The following FAM163B variants were observed in gnomAD, a reference collection of about 807,000 sequenced individuals.
FAM163B encodes the protein family with sequence similarity 163 member B, also known as protein FAM163B.
In FAM163B, 4 loss-of-function variants were observed where a neutral mutation model predicts 7.6. The observed-to-expected ratio is 0.52, with a 90% CI of 0.26 to 1.20. The LOEUF is 1.20. Among genes scored for constraint, FAM163B ranks in the 50% most tolerant of loss-of-function variants. The pLI is 0.14. For synonymous variants in FAM163B, 120 were observed against 111.6 expected (o/e 1.07, Z -0.47); for missense variants, 250 against 243.0 (o/e 1.03, Z -0.19).
intron 1 of FAM163B, among the ~76,000 whole-genome samples, chr9:133,596,213 G>A (rs1200598643): frequency 6.8e-6 from 1 of 147,322 alleles, no homozygotes; most frequent in Non-Finnish European, 1.5e-5. Flanking sequence ...GAGGAGTCCT[G>A]GGAAACCAGA....
At chr9:133,590,894 A>G (rs1235635575) in intron 1 of FAM163B, among the ~76,000 whole-genome samples, 1 of 152,176 alleles carries the variant, frequency 6.6e-6, no homozygotes, top group African/African-American at 2.4e-5. Flanking sequence ...GTTGAGAAAG[A>G]ACCCTGGATA....
At chr9:133,580,375 G>A (rs1831338274) in intron 1 of FAM163B, 129 bp from the exon 2 acceptor site, 3 of 726,568 alleles carry the variant, frequency 4.1e-6, no homozygotes, top group Non-Finnish European at 7.0e-6. Flanking sequence ...GTGAGAGGCA[G>A]GGGCTCTGCC....
chr9:133,581,194 G>T (rs1375881118), intron 1 of FAM163B, among the ~76,000 whole-genome samples: 2 of 152,190 alleles, frequency 1.3e-5, no homozygotes, highest in Non-Finnish European at 2.9e-5. Flanking sequence ...AGCTCTCAAA[G>T]CACCCGGCTG....
Position 133,579,319 on chromosome 9 carries a change from G to C in FAM163B, c.204C>G (p.Asn68Lys). The change falls in exon 3 of 3, where the codon AAC (asparagine) becomes AAG (lysine). Residue 68 changes from asparagine (N) to lysine (K), a missense_variant. By Grantham distance (94) the Asn-to-Lys change is moderately conservative (BLOSUM62 0). Transcript: ENST00000673969. ...LHSNRNLVLT[N>K]GPALYPTAST... ...AGGCGGTGGGGTAGAGCGCCGGCCCGTTGGTCAGCACCAGGTTGCGGTTGG... is the reference window on the plus strand; with the variant it reads ...AGGCGGTGGGGTAGAGCGCCGGCCCCTTGGTCAGCACCAGGTTGCGGTTGG... The C allele has an allele frequency of 6.2e-7, 1 of 1,613,642 alleles. No individual in the cohort carries two copies. The highest frequency in any genetic ancestry group is 8.5e-7 in the Non-Finnish European group (1 of 1,179,954).
Position 133,578,757 on chromosome 9 carries a change from T to G in FAM163B, c.*265A>C. On this transcript the variant is annotated 3_prime_UTR_variant, in exon 3 of 3. Transcript: ENST00000673969. ...TGGCCTCTGTGCCTGAGAGCCCTGG[T>G]GCATGCCCAGCCGGCTGTATGGTCA... 1 of 526,618 alleles carries G rather than the reference T, an allele frequency of 1.9e-6. No individual in the cohort carries two copies. Among genetic ancestry groups the G allele is most frequent in the Non-Finnish European group, 3.1e-6 (1 of 319,994 alleles). The allele number at this position is 526,618 out of a possible 1,614,324, so 32.6% of individuals were successfully genotyped here.
chr9:133,586,668 T>A (rs1447047000), intron 1 of FAM163B, among the ~76,000 whole-genome samples: 13 of 151,186 alleles, frequency 8.6e-5, no homozygotes, highest in Admixed American at 6.6e-4. Context: ...GTGCAGATTG[T>A]GGTGCCCAGG....
chr9:133,601,397 G>C lies in FAM163B; in HGVS notation c.-24+7680C>G, dbSNP rs1255749065. ...CAGCCATTTTTAAACGAGTGGAGGT[G>C]TGCTGTTGAAAGGGTCTGTCTTGCA... On this transcript the variant is annotated intron_variant, in intron 1 of 2. Transcript: ENST00000673969. The surrounding 1 kb of genome is among the most constrained non-coding windows in gnomAD (Gnocchi z 4.1). 6.6e-6 allele frequency among the ~76,000 whole-genome samples: 1 copy of C among 152,222 alleles called. No homozygotes were observed. The highest frequency in any genetic ancestry group is 1.5e-5 in the Non-Finnish European group (1 of 68,034).
chr9:133,586,578 C>T (rs1162782838), intron 1 of FAM163B, among the ~76,000 whole-genome samples: 1 of 152,212 alleles, frequency 6.6e-6, no homozygotes, highest in Non-Finnish European at 1.5e-5. Context: ...CCCCTGGGGT[C>T]AGTACCATGG....
intron 1 of FAM163B, 38 bp from the exon 2 acceptor site, chr9:133,580,284 C>A (rs893519300): frequency 6.9e-7 from 1 of 1,456,260 alleles, no homozygotes; most frequent in Non-Finnish European, 9.6e-7. Flanking sequence ...CATCACGCTT[C>A]CTCACCACAA....
chr9:133,580,271 G>C, intron 1 of FAM163B, 25 bp from the exon 2 acceptor site: 3 of 1,518,686 alleles, frequency 2.0e-6, no homozygotes, highest in Non-Finnish European at 2.7e-6. Flanking sequence ...GCCAGCTTTA[G>C]AGCATCACGC....
At chr9:133,595,573 C>T (rs945787578) in intron 1 of FAM163B, among the ~76,000 whole-genome samples, 12 of 152,164 alleles carry the variant, frequency 7.9e-5, no homozygotes, top group Admixed American at 3.3e-4. Flanking sequence ...CTCCCCCTCC[C>T]TCCTTGGCTG....
intron 1 of FAM163B, among the ~76,000 whole-genome samples, chr9:133,583,084 A>G (rs1588322496): frequency 6.6e-6 from 1 of 152,150 alleles, no homozygotes; most frequent in Non-Finnish European, 1.5e-5. Context: ...CACTTCATCA[A>G]TGAGGGCACT....
chr9:133,604,704 C>G (rs936865400), intron 1 of FAM163B, among the ~76,000 whole-genome samples: 2 of 152,088 alleles, frequency 1.3e-5, no homozygotes, highest in Non-Finnish European at 2.9e-5. Flanking sequence ...ACCTGGGGGC[C>G]GGTTACAACA....
chr9:133,583,649 T>G (rs1403778348), intron 1 of FAM163B, among the ~76,000 whole-genome samples: 2 of 152,162 alleles, frequency 1.3e-5, no homozygotes, highest in Non-Finnish European at 2.9e-5. Context: ...AGGTCTGAGA[T>G]GCAGCCGGTC....
intron 1 of FAM163B, among the ~76,000 whole-genome samples, chr9:133,608,454 C>CCCA (rs34937963): frequency 0.17 from 26,405 of 152,014 alleles, 2,740 homozygotes; most frequent in South Asian, 0.32. Flanking sequence ...TAGGCAACCC[C>CCCA]CCACCTGTCA....
intron 1 of FAM163B, among the ~76,000 whole-genome samples, chr9:133,605,909 C>T (rs1234801740): frequency 6.6e-6 from 1 of 152,198 alleles, no homozygotes; most frequent in East Asian, 1.9e-4. Context: ...TCCCCAGCTT[C>T]CTGCCTGCAG....
At chr9:133,595,488 G>A (rs779750841) in intron 1 of FAM163B, among the ~76,000 whole-genome samples, 11 of 152,200 alleles carry the variant, frequency 7.2e-5, no homozygotes, top group Non-Finnish European at 1.2e-4. Context: ...TGCTGCTGGT[G>A]CGGCATCCTC....
chr9:133,581,783 A>G (rs1351769316), intron 1 of FAM163B, among the ~76,000 whole-genome samples: 1 of 152,116 alleles, frequency 6.6e-6, no homozygotes, highest in Non-Finnish European at 1.5e-5. Flanking sequence ...CATCACTCCC[A>G]GGGGCCTGGT....
chr9:133,579,129 C>A lies in FAM163B; in HGVS notation c.394G>T (p.Glu132Ter). The part of the protein sequence containing the change: ...LYKSVSQEDV[E>*]LPPGGFGGLQ... ...CCCCCGAAGCCCCCCGGGGGCAGCT[C>A]CACGTCCTCCTGGCTCACGCTCTTG... Residue 132 changes from glutamate to a stop codon, truncating the protein, a stop_gained, in exon 3 of 3, where the codon GAG (glutamate) becomes TAG (stop). Transcript: ENST00000673969. LOFTEE classifies it high-confidence loss of function. 1 of 1,608,926 alleles carries A rather than the reference C, an allele frequency of 6.2e-7. No homozygotes were observed. The highest frequency in any genetic ancestry group is 8.5e-7 in the Non-Finnish European group (1 of 1,179,678).
Sources: allele counts gnomAD v4.1 joint callset (sites outside exome capture counted in the v4.1 genomes callset), GRCh38; gene constraint gnomAD v4.1.1; non-coding constraint Gnocchi (gnomAD v3.1); transcripts MANE v1.5; gene names NCBI Gene and HGNC (gene_info 2026-07-23, HGNC 2026-07-21).